The following SAE1 variants were observed in gnomAD, a reference collection of about 807,000 sequenced individuals.
The protein encoded by SAE1 is SUMO-activating enzyme subunit 1.
In SAE1, 11 loss-of-function variants were observed where a neutral mutation model predicts 40.6. The observed-to-expected ratio is 0.27, with a 90% CI of 0.17 to 0.45. The LOEUF (loss-of-function observed/expected upper bound fraction) is 0.45, where lower values mean the gene tolerates loss of function less well. Ranked by LOEUF, SAE1 falls within the 20% of genes least tolerant of loss-of-function variation. The pLI is 1.00. For synonymous variants in SAE1, 155 were observed against 154.3 expected (o/e 1.00, Z -0.03); for missense variants, 373 against 427.3 (o/e 0.87, Z 1.12).
intron 6 of SAE1, among the ~76,000 whole-genome samples, chr19:47,194,197 C>T (rs1568607750): frequency 6.6e-6 from 1 of 152,196 alleles, no homozygotes; most frequent in African/African-American, 2.4e-5. Context: ...GCACCCAGGT[C>T]TGTCTGGCAC....
chr19:47,150,166 A>AT, intron 2 of SAE1, 36 bp from the exon 3 acceptor site: 1 of 1,421,478 alleles, frequency 7.0e-7, no homozygotes, highest in Non-Finnish European at 9.5e-7. Flanking sequence ...TTCCCTAAAA[A>AT]TACAAGACTT....
chr19:47,153,950 CCT>C (rs2123214785), intron 4 of SAE1, among the ~76,000 whole-genome samples: 1 of 152,120 alleles, frequency 6.6e-6, no homozygotes, highest in South Asian at 2.1e-4. Context: ...CGTCACCATG[CCT>C]GGCTAATTTT....
intron 5 of SAE1, among the ~76,000 whole-genome samples, chr19:47,159,081 G>A (rs553843488): frequency 6.6e-6 from 1 of 152,232 alleles, no homozygotes; most frequent in African/African-American, 2.4e-5. Flanking sequence ...CTCTGTAATA[G>A]CTCTTTAAAA....
chr19:47,181,570 A>G (rs1370525383), intron 6 of SAE1, among the ~76,000 whole-genome samples: 1 of 133,788 alleles, frequency 7.5e-6, no homozygotes, highest in African/African-American at 2.9e-5. Flanking sequence ...GCTCCACCTC[A>G]TAGGTTTACG....
Position 47,147,199 on chromosome 19 carries a change from GTTTTTTTTTTTT to G in SAE1, c.211-2986_211-2975del, listed in dbSNP as rs397859917. Among the ~76,000 whole-genome samples, 5 of 60,934 alleles carry G rather than the reference GTTTTTTTTTTTT, an allele frequency of 8.2e-5. No individual in the cohort carries two copies. In the East Asian group the frequency reaches 1.6e-3, roughly 20 times the overall value. 40.0% of individuals were successfully genotyped at this position (60,934 alleles called of 152,430 possible). A position where few individuals can be genotyped will look rare whatever the true frequency, so the allele number is the denominator to read the frequency against. ...TGAAATGATAATTGTATGTGTATGG[GTTTTTTTTTTTT>G]TTTTTTTTTTTTTTTTGAGGCAGTC... On this transcript the variant is annotated intron_variant, in intron 2 of 8. Coordinates refer to ENST00000270225, the MANE Select transcript of SAE1 (RefSeq NM_005500.3).
intron 7 of SAE1, among the ~76,000 whole-genome samples, chr19:47,200,024 G>C (rs900983939): frequency 3.3e-5 from 5 of 151,406 alleles, no homozygotes; most frequent in Non-Finnish European, 7.4e-5. Flanking sequence ...TCCGCCTCCC[G>C]GGTTCACGCC....
chr19:47,134,446 G>A (rs2058166394), intron 1 of SAE1, among the ~76,000 whole-genome samples: 1 of 152,040 alleles, frequency 6.6e-6, no homozygotes, highest in African/African-American at 2.4e-5. Context: ...ATTGGTGGGA[G>A]GGTTGAAGGC....
chr19:47,209,445 A>C lies in SAE1; in HGVS notation c.*194A>C. 1.1e-6 allele frequency: 1 copy of C among 936,440 alleles called. No homozygotes were observed. The highest frequency in any genetic ancestry group is 1.6e-6 in the Non-Finnish European group (1 of 624,780). The allele number at this position is 936,440 out of a possible 1,614,324, so 58.0% of individuals were successfully genotyped here. A position where few individuals can be genotyped will look rare whatever the true frequency, so the allele number is the denominator to read the frequency against. The stretch of plus-strand genomic sequence containing the variant: ...CCAGCAGCTGCTCGACAAGGGGCGC[A>C]GGGTGGCTGTCTTTGTTCCAGCACT... On this transcript the variant is annotated 3_prime_UTR_variant, in exon 9 of 9. Transcript: ENST00000270225.
At chr19:47,150,138 TTC>T in intron 2 of SAE1, 62 bp from the exon 3 acceptor site, 1 of 1,209,890 alleles carries the variant, frequency 8.3e-7, no homozygotes, top group African/African-American at 1.6e-5. Flanking sequence ...AATTTAAAGA[TTC>T]TTTTTAAGAT....
At chr19:47,184,390 TTC>T (rs1202561808) in intron 6 of SAE1, among the ~76,000 whole-genome samples, 2 of 152,032 alleles carry the variant, frequency 1.3e-5, no homozygotes, top group East Asian at 1.9e-4. Flanking sequence ...ACCTACCTCA[TTC>T]TGTCTTTTTT....
intron 1 of SAE1, among the ~76,000 whole-genome samples, chr19:47,131,727 GTCTC>G (rs146239736): frequency 0.15 from 17,321 of 118,480 alleles, 1,361 homozygotes; most frequent in Middle Eastern, 0.29. Flanking sequence ...TTTTGAGATA[GTCTC>G]TCTCTGTCGC....
chr19:47,149,698 C>A (rs1423778726), intron 2 of SAE1, among the ~76,000 whole-genome samples: 1 of 152,014 alleles, frequency 6.6e-6, no homozygotes, highest in Non-Finnish European at 1.5e-5. Context: ...GCTCTTTAAC[C>A]ATCAATGACC....
chr19:47,164,975 C>T (rs577378799), intron 5 of SAE1, among the ~76,000 whole-genome samples: 2 of 150,488 alleles, frequency 1.3e-5, no homozygotes, highest in Non-Finnish European at 3.0e-5. Context: ...TTAGTAGAGA[C>T]GGAGTTTCAC....
At chr19:47,187,223 CCCTACCTCCT>C (rs935475078) in intron 6 of SAE1, among the ~76,000 whole-genome samples, 2 of 152,108 alleles carry the variant, frequency 1.3e-5, no homozygotes, top group African/African-American at 4.8e-5. Flanking sequence ...CGTGAAGTGT[CCCTACCTCCT>C]CCCCCAGCCC....
At chr19:47,182,519 A>G (rs893655703) in intron 6 of SAE1, among the ~76,000 whole-genome samples, 30 of 147,698 alleles carry the variant, frequency 2.0e-4, no homozygotes, top group African/African-American at 6.7e-4. Flanking sequence ...GCGCGCGCGC[A>G]CACCACTGCC....
intron 6 of SAE1, among the ~76,000 whole-genome samples, chr19:47,172,082 C>G (rs1484938042): frequency 6.6e-6 from 1 of 151,108 alleles, no homozygotes; most frequent in African/African-American, 2.4e-5. Flanking sequence ...GCACACCCAG[C>G]TAATTTTTGT....
At chr19:47,141,798 T>A (rs1170693081) in intron 1 of SAE1, among the ~76,000 whole-genome samples, 3 of 152,208 alleles carry the variant, frequency 2.0e-5, no homozygotes, top group Admixed American at 2.0e-4. Flanking sequence ...TAGTTATTAC[T>A]AAATCCTTTT....
rs2058554152 is a variant in SAE1 at position 47,187,952 on chromosome 19, T to G, written c.734-9281T>G. On this transcript the variant is annotated intron_variant, in intron 6 of 8. Coordinates refer to ENST00000270225, the MANE Select transcript of SAE1 (RefSeq NM_005500.3). ...ATGGGGCAAGCCCTGTGCCAGGTGTTCAGTATAGAGTAGTGACATCGCCTT... is the reference window on the plus strand; with the variant it reads ...ATGGGGCAAGCCCTGTGCCAGGTGTGCAGTATAGAGTAGTGACATCGCCTT... Among the ~76,000 whole-genome samples the G allele has an allele frequency of 2.6e-5, 4 of 152,134 alleles. No homozygotes were observed. In the South Asian group the frequency reaches 8.3e-4, roughly 31 times the overall value.
At chr19:47,158,280 C>G (rs942257779) in intron 5 of SAE1, among the ~76,000 whole-genome samples, 2 of 152,164 alleles carry the variant, frequency 1.3e-5, no homozygotes, top group African/African-American at 4.8e-5. Flanking sequence ...TTCACACCCT[C>G]TAGGAAGCTG....
Sources: gnomAD v4.1 joint callset for allele counts (sites outside exome capture counted in the v4.1 genomes callset) on GRCh38, gnomAD v4.1.1 for gene constraint, MANE v1.5 for transcripts, NCBI Gene and HGNC (gene_info 2026-07-23, HGNC 2026-07-21) for gene names.